Variants in SPG7 observed in about 807,000 individuals in gnomAD.
SPG7 encodes SPG7 matrix AAA peptidase subunit, paraplegin, also known as mitochondrial inner membrane m-AAA protease component paraplegin.
A neutral mutation model predicts 81.9 loss-of-function variants in SPG7; 103 were observed. That is an observed-to-expected ratio of 1.26 (90% CI 1.07 to 1.48). The LOEUF is 1.48. Among genes scored for constraint, SPG7 ranks in the 40% most tolerant of loss-of-function variants. SPG7 has a pLI of 0.00. For synonymous variants in SPG7, 534 were observed against 444.2 expected (o/e 1.20, Z -2.54); for missense variants, 1,241 against 1,087.3 (o/e 1.14, Z -1.99).
intron 10 of SPG7, 182 bp downstream of exon 10, chr16:89,544,954 T>G (rs1421718715): frequency 1.4e-6 from 1 of 698,254 alleles, no homozygotes. Flanking sequence ...GCCCACCGGC[T>G]GCACTCACTG....
Position 89,512,732 on chromosome 16 carries a change from C to A in SPG7, c.287-216C>A, listed in dbSNP as rs78132813. On this transcript the variant is annotated intron_variant, in intron 2 of 16. Transcript: ENST00000645818. ...CAATTTAAGTAGCAAAGATATTTAA[C>A]GTAAGTTAAAATAGTTTATTATTTT... Among the ~76,000 whole-genome samples, 3 of 152,132 alleles carry A rather than the reference C, an allele frequency of 2.0e-5. No individual in the cohort carries two copies. The East Asian group carries it at 5.8e-4, about 29-fold the overall frequency.
intron 3 of SPG7, 137 bp downstream of exon 3, chr16:89,513,174 A>G: frequency 7.7e-7 from 1 of 1,293,498 alleles, no homozygotes; most frequent in South Asian, 1.3e-5. Flanking sequence ...TGTAATCGAA[A>G]CGCTTTGGGA....
At chr16:89,523,367 G>C (rs1442990387) in intron 3 of SPG7, 1 of 280,694 alleles carries the variant, frequency 3.6e-6, no homozygotes, top group African/African-American at 2.2e-5. Flanking sequence ...TAGGGAGAGA[G>C]AAGGCACAAG....
intron 12 of SPG7, chr16:89,549,997 C>T (rs1236521006): frequency 1.4e-5 from 3 of 218,920 alleles, no homozygotes; most frequent in Non-Finnish European, 2.8e-5. Context: ...GAAGAAATCA[C>T]GACCTCCTTC....
intron 9 of SPG7, chr16:89,544,328 G>C: frequency 2.6e-6 from 1 of 381,534 alleles, no homozygotes; most frequent in South Asian, 2.2e-5. Flanking sequence ...TGGGGGGTGG[G>C]GGGTGGCTGT....
Position 89,523,835 on chromosome 16 carries a change from G to GTTA in SPG7, c.377-170_377-168dup, listed in dbSNP as rs2058225215. The GTTA allele has an allele frequency of 1.1e-5, 10 of 876,738 alleles. No homozygotes were observed. The East Asian group carries it at 1.8e-4, about 16-fold the overall frequency. 54.3% of individuals were successfully genotyped at this position (876,738 alleles called of 1,614,324 possible). A position where few individuals can be genotyped will look rare whatever the true frequency, so the allele number is the denominator to read the frequency against. Reference sequence around the variant, plus strand: ...TGTGGGTGACCTCGAACAGCACAGCGTTAGTCTTTGTCTCTGATAACGTCA... The same window carrying GTTA: ...TGTGGGTGACCTCGAACAGCACAGCGTTATTAGTCTTTGTCTCTGATAACGTCA... On this transcript the variant is annotated intron_variant, in intron 3 of 16. Coordinates refer to ENST00000645818, the MANE Select transcript of SPG7 (RefSeq NM_003119.4).
chr16:89,529,287 A>G, intron 5 of SPG7, 190 bp from the exon 6 acceptor site: 1 of 630,106 alleles, frequency 1.6e-6, no homozygotes, highest in South Asian at 1.8e-5. Context: ...GCTTTCATGA[A>G]AAAGCACAGT....
intron 9 of SPG7, 109 bp from the exon 10 acceptor site, chr16:89,544,539 G>T: frequency 7.7e-7 from 1 of 1,301,774 alleles, no homozygotes; most frequent in Non-Finnish European, 1.1e-6. Flanking sequence ...TTCTCTCTGG[G>T]CCTTAGGGGG....
chr16:89,514,908 G>A (rs1238450155), intron 3 of SPG7, among the ~76,000 whole-genome samples: 2 of 150,382 alleles, frequency 1.3e-5, no homozygotes, highest in Non-Finnish European at 3.0e-5. Context: ...GAGATTACAG[G>A]TGTGAACCAC....
chr16:89,526,139 C>G (rs1401772052), intron 4 of SPG7, among the ~76,000 whole-genome samples, 190 bp from the exon 5 acceptor site: 1 of 152,126 alleles, frequency 6.6e-6, no homozygotes, highest in Non-Finnish European at 1.5e-5. Context: ...TGCTTTTACA[C>G]CATTGTAAAA....
intron 3 of SPG7, among the ~76,000 whole-genome samples, chr16:89,513,825 G>A (rs1181459926): frequency 6.6e-6 from 1 of 152,264 alleles, no homozygotes; most frequent in Non-Finnish European, 1.5e-5. Flanking sequence ...CTTGGAAGGC[G>A]AGTGAGGAAC....
intron 3 of SPG7, among the ~76,000 whole-genome samples, chr16:89,515,291 C>T (rs145680964): frequency 0.013 from 1,934 of 147,928 alleles, 38 homozygotes; most frequent in African/African-American, 0.045. Flanking sequence ...ATTTTTGAAA[C>T]GGAGTCTCGC....
chr16:89,524,283 G>C, intron 4 of SPG7, 36 bp downstream of exon 4: 1 of 1,589,436 alleles, frequency 6.3e-7, no homozygotes, highest in Non-Finnish European at 8.6e-7. Flanking sequence ...GAGTGAGGGT[G>C]TGGGCACAGG....
At chr16:89,538,784 A>C (rs772531651) in intron 9 of SPG7, 6 of 152,280 alleles carry the variant, frequency 3.9e-5, no homozygotes, top group Admixed American at 6.5e-5. Flanking sequence ...TCTGACCCAA[A>C]AACATCCCCC....
intron 3 of SPG7, chr16:89,519,787 T>A (rs2058160859): frequency 6.6e-6 from 1 of 152,246 alleles, no homozygotes; most frequent in Admixed American, 6.5e-5. Flanking sequence ...CTCTCCTCTG[T>A]CAGGGTCAGC....
At position 89,524,198 on chromosome 16, in the gene SPG7, A is replaced by C; in HGVS notation, c.569A>C (p.Asp190Ala). The change falls in exon 4 of 17, where the codon GAC becomes GCC. Residue 190 changes from aspartate (D) to alanine (A), a missense_variant. By Grantham distance (126) the Asp-to-Ala change is moderately radical. Transcript: ENST00000645818. ...CGCGTCCAGGTGGTGCCTGAGAGCGACGTGGTGGAAGTCTACCTGCACCCT... is the reference window on the plus strand; with the variant it reads ...CGCGTCCAGGTGGTGCCTGAGAGCGCCGTGGTGGAAGTCTACCTGCACCCT... ...VQRVQVVPES[D>A]VVEVYLHPGA... The C allele has an allele frequency of 6.2e-7, 1 of 1,613,706 alleles. No individual in the cohort carries two copies. Among genetic ancestry groups the C allele is most frequent in the Non-Finnish European group, 8.5e-7 (1 of 1,179,960 alleles).
rs1444633207 is a variant in SPG7 at position 89,546,475 on chromosome 16, C to T, written c.1450-183C>T. 7 of 605,400 alleles carry T rather than the reference C, an allele frequency of 1.2e-5. No individual in the cohort carries two copies. The East Asian group carries it at 1.2e-4, about 11-fold the overall frequency. 37.5% of individuals were successfully genotyped at this position (605,400 alleles called of 1,614,324 possible). A position where few individuals can be genotyped will look rare whatever the true frequency, so the allele number is the denominator to read the frequency against. ...GGTGGATCACTTGAAGCCAGGAGTT[C>T]GAGACCAGCCTAGCCAACTTTGCGA... On this transcript the variant is annotated intron_variant, in intron 10 of 16. Coordinates refer to ENST00000645818, the MANE Select transcript of SPG7 (RefSeq NM_003119.4).
intron 3 of SPG7, 46 bp downstream of exon 3, chr16:89,513,083 CTT>C (rs1567896419): frequency 6.4e-7 from 1 of 1,557,976 alleles, no homozygotes; most frequent in Non-Finnish European, 8.7e-7. Flanking sequence ...CTCTGGATGT[CTT>C]TACATTTCTG....
At chr16:89,511,744 T>C (rs1302240282) in intron 2 of SPG7, among the ~76,000 whole-genome samples, 2 of 152,178 alleles carry the variant, frequency 1.3e-5, no homozygotes, top group Non-Finnish European at 1.5e-5. Context: ...TATTTTTTAT[T>C]ATTATTTGAG....
Sources: gnomAD v4.1 joint callset for allele counts (sites outside exome capture counted in the v4.1 genomes callset) on GRCh38, gnomAD v4.1.1 for gene constraint, MANE v1.5 for transcripts, NCBI Gene and HGNC (gene_info 2026-07-23, HGNC 2026-07-21) for gene names.